Variants in DENND1A observed in about 807,000 individuals in gnomAD.
DENND1A encodes DENN domain-containing protein 1A.
DENND1A carries 51 observed loss-of-function variants against 113.7 expected under a neutral mutation model. That is an observed-to-expected ratio of 0.45 (90% CI 0.36 to 0.57). The LOEUF (loss-of-function observed/expected upper bound fraction) is 0.57. Ranked by LOEUF, DENND1A falls within the 20% of genes least tolerant of loss-of-function variation. DENND1A has a pLI of 0.00. For synonymous variants in DENND1A, 565 were observed against 570.8 expected (o/e 0.99, Z 0.14); for missense variants, 1,258 against 1,395.9 (o/e 0.90, Z 1.57).
intron 12 of DENND1A, among the ~76,000 whole-genome samples, chr9:123,578,661 G>A (rs2058737908): frequency 6.6e-6 from 1 of 152,188 alleles, no homozygotes; most frequent in African/African-American, 2.4e-5. Flanking sequence ...TTCAGTGGCT[G>A]CTAGATTCTT....
intron 13 of DENND1A, among the ~76,000 whole-genome samples, chr9:123,470,307 A>T (rs1040170292): frequency 2.0e-5 from 3 of 151,476 alleles, no homozygotes; most frequent in African/African-American, 7.3e-5. Flanking sequence ...ACAGAAACCA[A>T]ATGGGGGCCC....
At chr9:123,593,766 G>T (rs2059567074) in intron 11 of DENND1A, among the ~76,000 whole-genome samples, 1 of 152,112 alleles carries the variant, frequency 6.6e-6, no homozygotes, top group Non-Finnish European at 1.5e-5. Context: ...TTCCAAGCAG[G>T]TGCCTTGATA....
chr9:123,544,501 C>T (rs12378293), intron 13 of DENND1A, among the ~76,000 whole-genome samples: 26,764 of 152,078 alleles, frequency 0.18, 2,508 homozygotes, highest in African/African-American at 0.22. Context: ...ATATGAACCA[C>T]ATGGTAATCA....
intron 3 of DENND1A, among the ~76,000 whole-genome samples, chr9:123,772,715 G>A (rs1458881348): frequency 6.6e-6 from 1 of 152,012 alleles, no homozygotes; most frequent in African/African-American, 2.4e-5. Context: ...ACATTTTAAT[G>A]AGCAAAAAAG....
At chr9:123,485,617 A>ACCGTGTGTGTGTGTGCGT (rs1554837265) in intron 13 of DENND1A, 2 of 148,484 alleles carry the variant, frequency 1.3e-5, no homozygotes, top group Non-Finnish European at 3.0e-5. Context: ...ACCAGGGGAC[A>ACCGTGTGTGTGTGTGCGT]CCGTGTGTGT....
Position 123,382,569 on chromosome 9 carries a change from A to C in DENND1A, c.2076T>G (p.Leu692=), listed in dbSNP as rs1403295752. ...RSRGVTVALK[L]THPYNKLWSL... is the part of the protein sequence containing the mutation. ...TCCAGAGCTTGTTGTACGGGTGGGT[A>C]AGCTTCAAGGCCACTGTCACCCCGC... Residue 692 remains leucine (L), a synonymous_variant, in exon 24 of 24, where the codon CTT becomes CTG. Coordinates refer to ENST00000394215, the MANE Select transcript of DENND1A (RefSeq NM_001352964.2). The C allele has an allele frequency of 6.2e-7, 1 of 1,613,958 alleles. No homozygotes were observed. The highest frequency in any genetic ancestry group is 8.5e-7 in the Non-Finnish European group (1 of 1,179,972).
chr9:123,602,885 T>G (rs754835699), intron 11 of DENND1A, among the ~76,000 whole-genome samples: 20 of 152,218 alleles, frequency 1.3e-4, no homozygotes, highest in Non-Finnish European at 1.8e-4. Context: ...GAGGTCTCAC[T>G]GTGTTGCCCA....
intron 21 of DENND1A, among the ~76,000 whole-genome samples, chr9:123,388,430 T>C (rs1459121326): frequency 1.3e-5 from 2 of 152,194 alleles, no homozygotes; most frequent in South Asian, 2.1e-4. Context: ...CTGTGTCTTA[T>C]ACATTTTCTA....
At chr9:123,627,771 G>A (rs775060676) in intron 10 of DENND1A, among the ~76,000 whole-genome samples, 86 of 148,558 alleles carry the variant, frequency 5.8e-4, no homozygotes, top group Non-Finnish European at 1.2e-3. Flanking sequence ...GAGAGAGAGC[G>A]AGCGAGTGAG....
intron 5 of DENND1A, among the ~76,000 whole-genome samples, chr9:123,742,724 G>T (rs1383908652): frequency 6.6e-6 from 1 of 152,158 alleles, no homozygotes; most frequent in East Asian, 1.9e-4. Context: ...GCCATAAAAA[G>T]CAGGTTTGAG....
At position 123,583,163 on chromosome 9, in the gene DENND1A, A is replaced by G; in HGVS notation, c.867+6T>C. 6.2e-7 allele frequency: 1 copy of G among 1,602,384 alleles called. No homozygotes were observed. The highest frequency in any genetic ancestry group is 8.5e-7 in the Non-Finnish European group (1 of 1,172,532). On this transcript the variant is annotated splice_donor_region_variant and intron_variant, in intron 12 of 23. Transcript: ENST00000394215. ...GAAGTGAGATCCTCGCAAGCTCATTACCTACCACGTCGTTTGGGAGGCTCT... is the reference window on the plus strand; with the variant it reads ...GAAGTGAGATCCTCGCAAGCTCATTGCCTACCACGTCGTTTGGGAGGCTCT...
chr9:123,693,934 C>T (rs905551429), intron 5 of DENND1A, among the ~76,000 whole-genome samples: 3 of 151,310 alleles, frequency 2.0e-5, no homozygotes, highest in Non-Finnish European at 2.9e-5. Context: ...TTCCAGCAAT[C>T]CTCCTGCCTT....
In DENND1A at chr9:123,410,266, C is replaced by G. The variant is rs1039278165; in HGVS notation, c.1542+1510G>C. ...GAGTGACATGACTTCAGCATTCAAG[C>G]CTAGCTCTGTCGGCCCCCCAAATCT... On this transcript the variant is annotated intron_variant, in intron 20 of 23. Coordinates refer to ENST00000394215, the MANE Select transcript of DENND1A (RefSeq NM_001352964.2). 9.9e-5 allele frequency among the ~76,000 whole-genome samples: 15 copies of G among 152,178 alleles called. No individual in the cohort carries two copies. The East Asian group carries it at 2.9e-3, about 29-fold the overall frequency.
intron 11 of DENND1A, among the ~76,000 whole-genome samples, chr9:123,592,264 G>A (rs72757121): frequency 2.0e-5 from 3 of 152,264 alleles, no homozygotes; most frequent in Non-Finnish European, 4.4e-5. Flanking sequence ...AGGAAAATGC[G>A]AATAAGTCTC....
At chr9:123,490,826 G>A (rs572602550) in intron 13 of DENND1A, among the ~76,000 whole-genome samples, 6 of 152,210 alleles carry the variant, frequency 3.9e-5, no homozygotes, top group South Asian at 2.1e-4. Flanking sequence ...TGTGTATTCC[G>A]CCTTTGCGGC....
At chr9:123,395,185 G>A (rs181276172) in intron 21 of DENND1A, among the ~76,000 whole-genome samples, 1 of 152,180 alleles carries the variant, frequency 6.6e-6, no homozygotes, top group East Asian at 1.9e-4. Context: ...ATGTCTTGAG[G>A]ATGAGGCCCC....
chr9:123,927,027 A>G (rs1168851047), intron 1 of DENND1A, among the ~76,000 whole-genome samples: 1 of 152,172 alleles, frequency 6.6e-6, no homozygotes, highest in African/African-American at 2.4e-5. Context: ...ATGGCATCTG[A>G]TCTTAGGCCT....
chr9:123,630,064 A>C (rs2061407788), intron 10 of DENND1A, among the ~76,000 whole-genome samples: 1 of 152,098 alleles, frequency 6.6e-6, no homozygotes, highest in South Asian at 2.1e-4. Context: ...TTATTGAGAC[A>C]GAGTCTCACT....
At chr9:123,897,115 C>T (rs905151280) in intron 1 of DENND1A, among the ~76,000 whole-genome samples, 3 of 152,120 alleles carry the variant, frequency 2.0e-5, no homozygotes, top group African/African-American at 7.2e-5. Context: ...CACACTCCAC[C>T]CTGTCTCTCC....
Sources: gnomAD v4.1 joint callset for allele counts (sites outside exome capture counted in the v4.1 genomes callset) on GRCh38, gnomAD v4.1.1 for gene constraint, MANE v1.5 for transcripts, NCBI Gene and HGNC (gene_info 2026-07-23, HGNC 2026-07-21) for gene names.